The following PCDH9 variants were observed in gnomAD, a reference collection of about 807,000 sequenced individuals.
PCDH9 encodes protocadherin-9.
In PCDH9, 24 loss-of-function variants were observed where a neutral mutation model predicts 70.6. The observed-to-expected ratio is 0.34, with a 90% CI of 0.25 to 0.48. The LOEUF is 0.48. Ranked by LOEUF, PCDH9 falls within the 20% of genes least tolerant of loss-of-function variation. The pLI, the probability that PCDH9 is intolerant of heterozygous loss-of-function variation, is 0.99. For synonymous variants in PCDH9, 562 were observed against 558.5 expected, an observed-to-expected ratio of 1.01 and a Z score of -0.09; for missense variants, 1,281 against 1,503.6, an observed-to-expected ratio of 0.85 and a Z score of 2.45.
chr13:66,658,030 C>G (rs1043767763), intron 3 of PCDH9, among the ~76,000 whole-genome samples: 5 of 152,052 alleles, frequency 3.3e-5, no homozygotes, highest in Non-Finnish European at 7.4e-5. Context: ...TATAAGAAAT[C>G]TAGAGATGAT....
At chr13:67,206,662 C>A (rs1206324400) in intron 2 of PCDH9, 1 of 152,142 alleles carries the variant, frequency 6.6e-6, no homozygotes, top group Non-Finnish European at 1.5e-5. Flanking sequence ...TATATTCTCC[C>A]AGTGCATTGC....
intron 2 of PCDH9, among the ~76,000 whole-genome samples, chr13:67,188,720 A>G (rs934266867): frequency 5.3e-5 from 8 of 152,140 alleles, no homozygotes; most frequent in African/African-American, 9.7e-5. Context: ...CTTCATGGGA[A>G]TAATTCTATT....
chr13:66,731,813 C>T (rs1247476175), intron 3 of PCDH9, among the ~76,000 whole-genome samples: 2 of 151,974 alleles, frequency 1.3e-5, no homozygotes. Context: ...CCTTCCATTG[C>T]TTTTCTCTAA....
At chr13:66,398,480 T>A (rs965905320) in intron 4 of PCDH9, among the ~76,000 whole-genome samples, 11 of 152,110 alleles carry the variant, frequency 7.2e-5, no homozygotes, top group Admixed American at 6.6e-4. Context: ...AAAATACATA[T>A]CCCCGTTAGG....
intron 3 of PCDH9, among the ~76,000 whole-genome samples, chr13:66,840,546 C>T (rs549720256): frequency 2.0e-5 from 3 of 152,178 alleles, no homozygotes; most frequent in South Asian, 4.1e-4. Context: ...AATCATGTAA[C>T]GAAGTTAAAG....
Position 66,592,732 on chromosome 13 carries a change from T to C in PCDH9, c.3340+38478A>G, listed in dbSNP as rs192957996. 1.9e-3 allele frequency among the ~76,000 whole-genome samples: 293 copies of C among 151,822 alleles called. 1 individual carries two copies. Among genetic ancestry groups the C allele is most frequent in the African/African-American group, 6.7e-3 (277 of 41,518 alleles). On this transcript the variant is annotated intron_variant, in intron 4 of 4. Transcript: ENST00000377865. ...GCAGATTAACTCTCTGTAATATTAG[T>C]GTAGGAAAGTGACAATCAAACAGTT...
chr13:66,473,383 GTT>G (rs139088285), intron 4 of PCDH9, among the ~76,000 whole-genome samples: 3,195 of 150,662 alleles, frequency 0.021, 106 homozygotes, highest in African/African-American at 0.073. Context: ...AAAGCTATAT[GTT>G]TTTTTTTCAT....
intron 4 of PCDH9, among the ~76,000 whole-genome samples, chr13:66,418,416 T>C (rs1884264192): frequency 6.6e-6 from 1 of 152,238 alleles, no homozygotes; most frequent in Non-Finnish European, 1.5e-5. Context: ...CCTTGTAGTA[T>C]AGTTTGAAAT....
At chr13:67,085,666 A>G (rs1262766324) in intron 2 of PCDH9, among the ~76,000 whole-genome samples, 1 of 152,204 alleles carries the variant, frequency 6.6e-6, no homozygotes, top group Non-Finnish European at 1.5e-5. Context: ...ATTTGGTCAA[A>G]CAGAAAATAG....
intron 4 of PCDH9, among the ~76,000 whole-genome samples, chr13:66,574,257 C>T (rs990875362): frequency 6.6e-6 from 1 of 152,132 alleles, no homozygotes; most frequent in Non-Finnish European, 1.5e-5. Context: ...ATTGTAAGCT[C>T]TACATAGCCA....
chr13:66,978,022 G>A (rs1477962084), intron 2 of PCDH9, among the ~76,000 whole-genome samples: 1 of 152,068 alleles, frequency 6.6e-6, no homozygotes, highest in East Asian at 1.9e-4. Flanking sequence ...ACACTTTAAA[G>A]CCCTTTCGTA....
chr13:66,622,794 G>A (rs1037901200), intron 4 of PCDH9, among the ~76,000 whole-genome samples: 5 of 152,192 alleles, frequency 3.3e-5, no homozygotes, highest in Non-Finnish European at 5.9e-5. Context: ...AATCCGCGCT[G>A]GTGGACTTTC....
At chr13:66,777,815 A>C (rs577283729) in intron 3 of PCDH9, among the ~76,000 whole-genome samples, 3,338 of 152,246 alleles carry the variant, frequency 0.022, 112 homozygotes, top group African/African-American at 0.077. Flanking sequence ...TCATGCTGCT[A>C]TAAAGACACA....
chr13:66,958,702 A>G (rs990875899), intron 2 of PCDH9, among the ~76,000 whole-genome samples: 3 of 152,084 alleles, frequency 2.0e-5, no homozygotes. Context: ...AATGAGCTAG[A>G]TCTTCTGAGA....
At chr13:66,740,239 T>C (rs2079237098) in intron 3 of PCDH9, among the ~76,000 whole-genome samples, 1 of 137,308 alleles carries the variant, frequency 7.3e-6, no homozygotes, top group African/African-American at 2.7e-5. Context: ...CCTGAATGAC[T>C]ACTGGGTACA....
At chr13:66,933,913 C>A (rs1033062439) in intron 2 of PCDH9, among the ~76,000 whole-genome samples, 5 of 143,548 alleles carry the variant, frequency 3.5e-5, no homozygotes, top group East Asian at 2.0e-4. Flanking sequence ...AAAAAGGGGG[C>A]GGGGGGGCAA....
At chr13:66,909,526 T>C (rs2082422171) in intron 2 of PCDH9, among the ~76,000 whole-genome samples, 1 of 152,082 alleles carries the variant, frequency 6.6e-6, no homozygotes. Context: ...TCCCAGCACT[T>C]TGGGAGGCCC....
intron 2 of PCDH9, among the ~76,000 whole-genome samples, chr13:67,129,892 G>A (rs12430605): frequency 0.2 from 30,117 of 151,772 alleles, 3,191 homozygotes; most frequent in Admixed American, 0.25. Flanking sequence ...TGAAAAATGA[G>A]AGTAAAAAGA....
chr13:66,684,640 T>C (rs982193253), intron 3 of PCDH9, among the ~76,000 whole-genome samples: 2 of 152,148 alleles, frequency 1.3e-5, no homozygotes, highest in Admixed American at 1.3e-4. Context: ...TGATTGTAAG[T>C]TTCCTGAGGC....
Sources: gnomAD v4.1 joint callset for allele counts (sites outside exome capture counted in the v4.1 genomes callset) on GRCh38, gnomAD v4.1.1 for gene constraint, MANE v1.5 for transcripts, NCBI Gene and HGNC (gene_info 2026-07-23, HGNC 2026-07-21) for gene names.